SCHIP1: variants seen among roughly 807,000 people sequenced by gnomAD.
SCHIP1 encodes schwannomin interacting protein 1, also known as schwannomin-interacting protein 1.
In SCHIP1, 8 loss-of-function variants were observed where a neutral mutation model predicts 29.7. The observed-to-expected ratio is 0.27, with a 90% CI of 0.16 to 0.49. The LOEUF (loss-of-function observed/expected upper bound fraction) is 0.49. Among genes scored for constraint, SCHIP1 ranks in the 20% least tolerant of loss-of-function variants. SCHIP1 has a pLI of 0.99. For synonymous variants in SCHIP1, 76 were observed against 94.9 expected, an observed-to-expected ratio of 0.80 and a Z score of 1.16; for missense variants, 193 against 294.6, an observed-to-expected ratio of 0.66 and a Z score of 2.52.
the SCHIP1 span, among the ~76,000 whole-genome samples, chr3:159,738,112 A>C: frequency 6.6e-6 from 1 of 152,202 alleles, no homozygotes; most frequent in Admixed American, 6.5e-5. Context: ...AAGTGAAATG[A>C]AATATTTATG....
the SCHIP1 span, among the ~76,000 whole-genome samples, chr3:159,410,720 T>G: frequency 1.3e-5 from 2 of 152,110 alleles, no homozygotes; most frequent in Non-Finnish European, 2.9e-5. Context: ...GTTTGGAGAT[T>G]CCTCAGAAAA....
At chr3:159,871,320 G>C in intron 2 of SCHIP1, among the ~76,000 whole-genome samples, 1 of 119,850 alleles carries the variant, frequency 8.3e-6, no homozygotes, top group Non-Finnish European at 1.6e-5. Flanking sequence ...CACTTTGTCC[G>C]GTCTTACCCT....
At chr3:159,649,739 G>A in the SCHIP1 span, among the ~76,000 whole-genome samples, 5 of 152,168 alleles carry the variant, frequency 3.3e-5, no homozygotes, top group Admixed American at 1.3e-4. Flanking sequence ...TTTCCATTGG[G>A]TTGAAGTGCC....
the SCHIP1 span, among the ~76,000 whole-genome samples, chr3:159,349,027 G>A: frequency 6.6e-6 from 1 of 152,146 alleles, no homozygotes; most frequent in Non-Finnish European, 1.5e-5. Context: ...GAATGAAAGA[G>A]CTATGTGCTG....
At chr3:159,653,251 G>A in the SCHIP1 span, among the ~76,000 whole-genome samples, 1 of 152,016 alleles carries the variant, frequency 6.6e-6, no homozygotes, top group Non-Finnish European at 1.5e-5. Flanking sequence ...TATACACAAA[G>A]GATTATAAAT....
chr3:159,622,850 G>A, the SCHIP1 span, among the ~76,000 whole-genome samples: 11 of 152,146 alleles, frequency 7.2e-5, no homozygotes, highest in South Asian at 2.1e-4. Flanking sequence ...CCCGGGAGGC[G>A]GAGCTTGCAG....
chr3:159,655,760 G>A, the SCHIP1 span, among the ~76,000 whole-genome samples: 1 of 152,096 alleles, frequency 6.6e-6, no homozygotes, highest in East Asian at 1.9e-4. Flanking sequence ...ATAGTGGAAG[G>A]TGCCTGTAAT....
the SCHIP1 span, among the ~76,000 whole-genome samples, chr3:159,377,727 C>T: frequency 2.0e-5 from 3 of 152,182 alleles, no homozygotes; most frequent in Non-Finnish European, 2.9e-5. Context: ...TCTTCATCAT[C>T]CTGTGGTATT....
chr3:159,477,594 T>C, the SCHIP1 span, among the ~76,000 whole-genome samples: 7 of 152,210 alleles, frequency 4.6e-5, no homozygotes, highest in African/African-American at 1.2e-4. Context: ...CTTCTGAGAA[T>C]TGTCTGTTCA....
chr3:159,496,797 C>G, the SCHIP1 span, among the ~76,000 whole-genome samples: 2 of 152,132 alleles, frequency 1.3e-5, no homozygotes, highest in Non-Finnish European at 1.5e-5. Context: ...TATAAAGACA[C>G]ATGCACACGT....
chr3:159,864,836 C>T (rs1714451502), intron 1 of SCHIP1, among the ~76,000 whole-genome samples: 1 of 152,148 alleles, frequency 6.6e-6, no homozygotes, highest in Non-Finnish European at 1.5e-5. Flanking sequence ...TATCCACTAG[C>T]CACCTGTGAT....
At chr3:159,358,224 C>T in the SCHIP1 span, among the ~76,000 whole-genome samples, 1 of 152,186 alleles carries the variant, frequency 6.6e-6, no homozygotes, top group Non-Finnish European at 1.5e-5. Flanking sequence ...GAAATTTCTG[C>T]TGGACATGCC....
the SCHIP1 span, among the ~76,000 whole-genome samples, chr3:159,771,692 GTTTT>G: frequency 6.9e-6 from 1 of 144,078 alleles, no homozygotes; most frequent in Admixed American, 6.9e-5. Context: ...TGTCTTTGTT[GTTTT>G]TTTTTTTTTT....
chr3:159,296,071 G>A, the SCHIP1 span, among the ~76,000 whole-genome samples: 1 of 151,330 alleles, frequency 6.6e-6, no homozygotes, highest in Non-Finnish European at 1.5e-5. Flanking sequence ...AATAAATAAT[G>A]TCATTCCCGA....
chr3:159,681,784 C>A, the SCHIP1 span, among the ~76,000 whole-genome samples: 3 of 151,576 alleles, frequency 2.0e-5, no homozygotes, highest in African/African-American at 7.3e-5. Flanking sequence ...TTTAACTCAA[C>A]GTTAACTTAG....
the SCHIP1 span, among the ~76,000 whole-genome samples, chr3:159,384,643 T>G: frequency 2.0e-5 from 3 of 151,894 alleles, no homozygotes; most frequent in African/African-American, 7.3e-5. Context: ...TAGGGAGGAT[T>G]CCCTCTTTTT....
At chr3:159,894,868 T>C in intron 6 of SCHIP1, 1 of 152,244 alleles carries the variant, frequency 6.6e-6, no homozygotes, top group East Asian at 1.9e-4. Context: ...ATTTTATTTA[T>C]GTCTCAAAAA....
chr3:159,381,126 T>C, the SCHIP1 span, among the ~76,000 whole-genome samples: 1 of 152,152 alleles, frequency 6.6e-6, no homozygotes, highest in Non-Finnish European at 1.5e-5. Flanking sequence ...TTTAGGGCAG[T>C]TTATTTTTAG....
At chr3:159,590,660 C>T in the SCHIP1 span, among the ~76,000 whole-genome samples, 1 of 152,018 alleles carries the variant, frequency 6.6e-6, no homozygotes, top group African/African-American at 2.4e-5. Context: ...AATCCCTCTC[C>T]CTGTGTAGCC....
Sources: gnomAD v4.1 joint callset for allele counts (sites outside exome capture counted in the v4.1 genomes callset) on GRCh38, gnomAD v4.1.1 for gene constraint, MANE v1.5 for transcripts, NCBI Gene and HGNC (gene_info 2026-07-23, HGNC 2026-07-21) for gene names.